ELMO1: variants seen among roughly 807,000 people sequenced by gnomAD.
The protein encoded by ELMO1 is engulfment and cell motility 1, also known as engulfment and cell motility protein 1.
ELMO1 carries 26 observed loss-of-function variants against 98.9 expected under a neutral mutation model. That is an observed-to-expected ratio of 0.26 (90% CI 0.19 to 0.36). ELMO1 has a LOEUF of 0.36. Among genes scored for constraint, ELMO1 ranks in the 10% least tolerant of loss-of-function variants. ELMO1 has a pLI of 1.00. For synonymous variants in ELMO1, 346 were observed against 346.0 expected (o/e 1.00, Z 0.00); for missense variants, 627 against 935.2 (o/e 0.67, Z 4.30).
At chr7:36,926,469 C>T (rs551654423) in intron 16 of ELMO1, among the ~76,000 whole-genome samples, 1 of 151,538 alleles carries the variant, frequency 6.6e-6, no homozygotes, top group Non-Finnish European at 1.5e-5. Context: ...CTTTGTGCGA[C>T]CCCCCTAGAG....
chr7:37,163,409 T>C (rs902891888), intron 13 of ELMO1, among the ~76,000 whole-genome samples: 3 of 152,000 alleles, frequency 2.0e-5, no homozygotes, highest in African/African-American at 7.3e-5. Context: ...TAGTTACATA[T>C]GTATACATGT....
chr7:36,883,273 A>G (rs978822786), intron 18 of ELMO1, among the ~76,000 whole-genome samples: 4 of 152,184 alleles, frequency 2.6e-5, no homozygotes, highest in African/African-American at 9.7e-5. Flanking sequence ...ATGATTTCCA[A>G]TGTTAGCCCT....
intron 4 of ELMO1, among the ~76,000 whole-genome samples, chr7:37,278,094 C>A (rs1726567266): frequency 7.6e-6 from 1 of 132,042 alleles, no homozygotes; most frequent in Non-Finnish European, 1.6e-5. Context: ...TCTGACTTTA[C>A]TTTCTGTGAT....
intron 5 of ELMO1, among the ~76,000 whole-genome samples, chr7:37,260,579 C>T (rs1419790107): frequency 2.6e-5 from 4 of 152,086 alleles, no homozygotes; most frequent in African/African-American, 9.7e-5. Flanking sequence ...CCAGTTCTCC[C>T]TCCACTGTCA....
chr7:37,387,254 C>T (rs1387320935), intron 1 of ELMO1, among the ~76,000 whole-genome samples: 2 of 152,210 alleles, frequency 1.3e-5, no homozygotes, highest in Admixed American at 6.5e-5. Context: ...AACAAAGCAT[C>T]ACTAACTGTC....
chr7:37,095,028 T>A (rs1784301689), intron 15 of ELMO1, among the ~76,000 whole-genome samples: 1 of 152,148 alleles, frequency 6.6e-6, no homozygotes, highest in Non-Finnish European at 1.5e-5. Flanking sequence ...AGAACATGAG[T>A]GAAGGTACAC....
chr7:37,428,096 A>T (rs1253471450), intron 1 of ELMO1, among the ~76,000 whole-genome samples: 1 of 152,084 alleles, frequency 6.6e-6, no homozygotes, highest in Admixed American at 6.6e-5. Context: ...GAACAGAGAC[A>T]GCTGGTTTCA....
chr7:36,879,589 C>T (rs184958230), intron 18 of ELMO1, among the ~76,000 whole-genome samples: 2 of 152,264 alleles, frequency 1.3e-5, no homozygotes, highest in African/African-American at 4.8e-5. Flanking sequence ...ACACAATGAA[C>T]AAAGAAAATG....
rs1189153159 is a variant in ELMO1, at chr7:37,375,883, G to T, written c.-73-33120C>A. 4.4e-6 allele frequency: 3 copies of T among 683,766 alleles called. No homozygotes were observed. In the African/African-American group the frequency reaches 5.3e-5, roughly 12 times the overall value. The allele number at this position is 683,766 out of a possible 1,614,324, so 42.4% of individuals were successfully genotyped here. A position where few individuals can be genotyped will look rare whatever the true frequency, so the allele number is the denominator to read the frequency against. On this transcript the variant is annotated intron_variant, in intron 1 of 21. Transcript: ENST00000310758. ...GCAACCTGCAAGACTCACAAGAGGGGAAGCCAACAGAGATACGTGCAGACA... is the reference window on the plus strand; with the variant it reads ...GCAACCTGCAAGACTCACAAGAGGGTAAGCCAACAGAGATACGTGCAGACA...
chr7:36,856,247 T>C (rs35694548), intron 21 of ELMO1, among the ~76,000 whole-genome samples: 34,946 of 152,158 alleles, frequency 0.23, 4,427 homozygotes, highest in Middle Eastern at 0.41. Context: ...ATCCTAGCAT[T>C]CACAATGACA....
intron 1 of ELMO1, among the ~76,000 whole-genome samples, chr7:37,439,997 G>T (rs945371398): frequency 1.3e-5 from 2 of 152,012 alleles, no homozygotes; most frequent in African/African-American, 4.8e-5. Context: ...GTGTGTGTGT[G>T]TGTCTTTCTC....
At chr7:37,285,962 G>A (rs1207325453) in intron 4 of ELMO1, among the ~76,000 whole-genome samples, 3 of 151,960 alleles carry the variant, frequency 2.0e-5, no homozygotes, top group Admixed American at 2.0e-4. Flanking sequence ...GTTAGAGCCT[G>A]TGGTCTCAGA....
chr7:36,893,373 G>T (rs1289452710), intron 17 of ELMO1, among the ~76,000 whole-genome samples: 1 of 152,116 alleles, frequency 6.6e-6, no homozygotes, highest in Non-Finnish European at 1.5e-5. Context: ...TCTGGCTGAG[G>T]ACCAATGCAA....
intron 14 of ELMO1, among the ~76,000 whole-genome samples, chr7:37,109,177 C>T (rs1394033348): frequency 6.6e-6 from 1 of 152,126 alleles, no homozygotes; most frequent in Non-Finnish European, 1.5e-5. Flanking sequence ...GGTGTGCCCC[C>T]AGGGACAATG....
intron 10 of ELMO1, among the ~76,000 whole-genome samples, chr7:37,219,805 G>A (rs1325215930): frequency 1.3e-5 from 2 of 152,204 alleles, no homozygotes; most frequent in African/African-American, 4.8e-5. Context: ...GGCTTTCTCT[G>A]AATATGAGAA....
intron 20 of ELMO1, among the ~76,000 whole-genome samples, chr7:36,865,158 T>C (rs1802938806): frequency 6.6e-6 from 1 of 152,184 alleles, no homozygotes; most frequent in Non-Finnish European, 1.5e-5. Context: ...AATCCTTACA[T>C]TGTTTGACGG....
intron 1 of ELMO1, among the ~76,000 whole-genome samples, chr7:37,420,821 C>A (rs146104538): frequency 1.3e-5 from 2 of 152,348 alleles, no homozygotes; most frequent in East Asian, 3.9e-4. Context: ...GCAAAGCCTT[C>A]CAAAACTTAG....
chr7:37,089,053 T>G (rs1051125002), intron 15 of ELMO1, among the ~76,000 whole-genome samples: 1 of 152,330 alleles, frequency 6.6e-6, no homozygotes, highest in Middle Eastern at 3.4e-3. Flanking sequence ...TCTTGAGTTT[T>G]CTTTAGCCAG....
At chr7:36,992,519 A>C (rs529630942) in intron 16 of ELMO1, among the ~76,000 whole-genome samples, 1 of 152,348 alleles carries the variant, frequency 6.6e-6, no homozygotes, top group Non-Finnish European at 1.5e-5. Flanking sequence ...AAAAATGAAA[A>C]TGCCAAAATT....
Sources: allele counts gnomAD v4.1 joint callset (sites outside exome capture counted in the v4.1 genomes callset), GRCh38; gene constraint gnomAD v4.1.1; transcripts MANE v1.5; gene names NCBI Gene and HGNC (gene_info 2026-07-23, HGNC 2026-07-21).